Variants in CDH4 observed in about 807,000 individuals in gnomAD.
CDH4 encodes the protein cadherin-4.
In CDH4, 33 loss-of-function variants were observed where a neutral mutation model predicts 86.0. The ratio of observed to expected loss-of-function variants is 0.38; its 90% CI spans 0.29 to 0.51. The LOEUF is 0.51. Ranked by LOEUF, CDH4 falls within the 20% of genes least tolerant of loss-of-function variation. The pLI, the probability that CDH4 is intolerant of heterozygous loss-of-function variation, is 0.86. For synonymous variants in CDH4, 555 were observed against 549.4 expected, an observed-to-expected ratio of 1.01 and a Z score of -0.14; for missense variants, 1,114 against 1,307.4, an observed-to-expected ratio of 0.85 and a Z score of 2.28.
chr20:61,754,318 G>A lies in CDH4; in HGVS notation c.396+10529G>A, dbSNP rs535539776. Among the ~76,000 whole-genome samples, 14 of 152,244 alleles carry A rather than the reference G, an allele frequency of 9.2e-5. No homozygotes were observed. Among genetic ancestry groups the A allele is most frequent in the African/African-American group, 2.9e-4 (12 of 41,534 alleles). ...GACCCCAAGGCATCCCCGAAGGCAGGGAGGAGTGTCCCCAGCCAGGGGTCC... is the reference window on the plus strand; with the variant it reads ...GACCCCAAGGCATCCCCGAAGGCAGAGAGGAGTGTCCCCAGCCAGGGGTCC... On this transcript the variant is annotated intron_variant, in intron 3 of 15. Coordinates refer to ENST00000614565, the MANE Select transcript of CDH4 (RefSeq NM_001794.5). This position sits in a 1 kb window ranked among gnomAD's most constrained non-coding sequence, Gnocchi z 4.7.
chr20:61,373,696 T>C (rs1037646640), intron 2 of CDH4, among the ~76,000 whole-genome samples: 1 of 152,168 alleles, frequency 6.6e-6, no homozygotes, highest in Non-Finnish European at 1.5e-5. Context: ...TGTGGGATAT[T>C]TGGGGCTGTT....
chr20:61,739,008 T>C (rs2088300731), intron 2 of CDH4: 1 of 152,354 alleles, frequency 6.6e-6, no homozygotes, highest in South Asian at 2.1e-4. Flanking sequence ...AGAGGCGGCT[T>C]TTCAGGGCAT....
At position 61,551,012 on chromosome 20, in the gene CDH4, C is replaced by G. The variant is rs551898010; in HGVS notation, c.170-192551C>G. Among the ~76,000 whole-genome samples the G allele has an allele frequency of 1.2e-4, 18 of 152,354 alleles. No individual in the cohort carries two copies. The South Asian group carries it at 3.5e-3, about 30-fold the overall frequency. On this transcript the variant is annotated intron_variant, in intron 2 of 15. Transcript: ENST00000614565. ...GTTGAAATCCCAGCTCTGCCACCCA[C>G]TAGTCTTGTGATTTAGGACAAACCA... is the stretch of plus-strand genomic sequence containing the variant.
At chr20:61,753,365 C>T (rs1029166462) in intron 3 of CDH4, among the ~76,000 whole-genome samples, 7 of 152,158 alleles carry the variant, frequency 4.6e-5, no homozygotes, top group Non-Finnish European at 1.0e-4. Flanking sequence ...TTAGATGAAC[C>T]ATAAAAATTT....
intron 7 of CDH4, among the ~76,000 whole-genome samples, chr20:61,893,058 G>C (rs904978249): frequency 2.8e-5 from 4 of 144,304 alleles, no homozygotes; most frequent in Admixed American, 2.1e-4. Flanking sequence ...GGTGAATAGA[G>C]AGATAGATGG....
At chr20:61,375,925 C>CTGCTGATGGTAT (rs2084867482) in intron 2 of CDH4, among the ~76,000 whole-genome samples, 3 of 6,144 alleles carry the variant, frequency 4.9e-4, no homozygotes, top group Non-Finnish European at 7.6e-4. Flanking sequence ...GGTCTTGGTG[C>CTGCTGATGGTAT]TGGTGATGAT....
intron 2 of CDH4, among the ~76,000 whole-genome samples, chr20:61,678,061 G>A (rs922288528): frequency 6.6e-6 from 1 of 152,100 alleles, no homozygotes; most frequent in Non-Finnish European, 1.5e-5. Context: ...ATGGATGATA[G>A]ATGCTGCATG....
intron 2 of CDH4, among the ~76,000 whole-genome samples, chr20:61,365,034 G>C (rs1055748378): frequency 2.0e-5 from 3 of 152,198 alleles, no homozygotes; most frequent in Non-Finnish European, 2.9e-5. Flanking sequence ...CTTGGCCCAT[G>C]ATGGATTCCA....
chr20:61,876,780 G>A (rs755135617), intron 7 of CDH4, among the ~76,000 whole-genome samples: 4 of 152,192 alleles, frequency 2.6e-5, no homozygotes, highest in Admixed American at 1.3e-4. Context: ...CCTTCAGCAC[G>A]AATGTCTATA....
chr20:61,711,892 C>T (rs910151423), intron 2 of CDH4, among the ~76,000 whole-genome samples: 2 of 152,108 alleles, frequency 1.3e-5, no homozygotes, highest in African/African-American at 4.8e-5. Flanking sequence ...GCCATGGAGA[C>T]ATCTGGGGAC....
At chr20:61,786,069 G>A (rs1367350285) in intron 4 of CDH4, among the ~76,000 whole-genome samples, 1 of 152,134 alleles carries the variant, frequency 6.6e-6, no homozygotes, top group Non-Finnish European at 1.5e-5. Flanking sequence ...AGGATGGGAG[G>A]AACTGCTCTA....
chr20:61,704,322 G>A (rs1328856714), intron 2 of CDH4, among the ~76,000 whole-genome samples: 2 of 152,136 alleles, frequency 1.3e-5, no homozygotes, highest in African/African-American at 4.8e-5. Flanking sequence ...CTCAGAATGG[G>A]CTTTTGCAGT....
At position 61,582,372 on chromosome 20, in the gene CDH4, C is replaced by G. The variant is rs1310732847; in HGVS notation, c.170-161191C>G. ...AGCGCAGTGAAAAAGGCAGCGTGAG[C>G]CCTGGGGCTTTCCCAGGGCCATCCC... On this transcript the variant is annotated intron_variant, in intron 2 of 15. Transcript: ENST00000614565. The surrounding 1 kb of genome is among the most constrained non-coding windows in gnomAD (Gnocchi z 4.2). Among the ~76,000 whole-genome samples, 4 of 152,200 alleles carry G rather than the reference C, an allele frequency of 2.6e-5. No homozygotes were observed. The highest frequency in any genetic ancestry group is 4.4e-5 in the Non-Finnish European group (3 of 68,024).
At chr20:61,824,072 A>G (rs915811231) in intron 4 of CDH4, among the ~76,000 whole-genome samples, 1 of 152,216 alleles carries the variant, frequency 6.6e-6, no homozygotes, top group Non-Finnish European at 1.5e-5. Flanking sequence ...GTTTTCTACC[A>G]GATGTCTAGA....
At chr20:61,624,576 C>G (rs1410883134) in intron 2 of CDH4, among the ~76,000 whole-genome samples, 1 of 152,244 alleles carries the variant, frequency 6.6e-6, no homozygotes, top group Non-Finnish European at 1.5e-5. Flanking sequence ...GAGACCAAGC[C>G]TCAGTGGCCA....
rs1414379772 is a variant in CDH4, at chr20:61,565,227, G to A, written c.170-178336G>A. Among the ~76,000 whole-genome samples the A allele has an allele frequency of 5.7e-4, 24 of 41,758 alleles. 2 individuals carry two copies. Among genetic ancestry groups the A allele is most frequent in the South Asian group, 1.1e-3 (1 of 946 alleles). 27.4% of individuals were successfully genotyped at this position (41,758 alleles called of 152,430 possible). A position where few individuals can be genotyped will look rare whatever the true frequency, so the allele number is the denominator to read the frequency against. On this transcript the variant is annotated intron_variant, in intron 2 of 15. Transcript: ENST00000614565. ...GTCGCGGTGCTCTCGGTGGTAGGTGGTGGTGGTGGTGGTGGCGGTGCTCTT... is the reference window on the plus strand; with the variant it reads ...GTCGCGGTGCTCTCGGTGGTAGGTGATGGTGGTGGTGGTGGCGGTGCTCTT...
In CDH4 at chr20:61,544,555, G is replaced by A. The variant is rs1242352278; in HGVS notation, c.170-199008G>A. Among the ~76,000 whole-genome samples, 28 of 151,656 alleles carry A rather than the reference G, an allele frequency of 1.8e-4. No individual in the cohort carries two copies. The highest frequency in any genetic ancestry group is 1.8e-3 in the Admixed American group (27 of 15,228). On this transcript the variant is annotated intron_variant, in intron 2 of 15. Transcript: ENST00000614565. This position sits in a 1 kb window ranked among gnomAD's most constrained non-coding sequence, Gnocchi z 6.5. Reference sequence around the variant, plus strand: ...GCAATGGCAGCCGCCAAGCAGAGACGGTGACGGGATCCCTGCGTTGACGGT... The same window carrying A: ...GCAATGGCAGCCGCCAAGCAGAGACAGTGACGGGATCCCTGCGTTGACGGT...
intron 2 of CDH4, among the ~76,000 whole-genome samples, chr20:61,388,742 A>G (rs186780653): frequency 6.6e-6 from 1 of 152,328 alleles, no homozygotes; most frequent in Admixed American, 6.5e-5. Context: ...ATACATGTGT[A>G]TGCGTGCGCA....
chr20:61,650,813 C>T (rs995262001), intron 2 of CDH4, among the ~76,000 whole-genome samples: 13 of 152,268 alleles, frequency 8.5e-5, no homozygotes, highest in Admixed American at 8.5e-4. Context: ...TAACAATTAG[C>T]TCCGTCTCTC....
Sources: gnomAD v4.1 joint callset for allele counts (sites outside exome capture counted in the v4.1 genomes callset) on GRCh38, gnomAD v4.1.1 for gene constraint, Gnocchi (gnomAD v3.1) non-coding constraint, MANE v1.5 for transcripts, NCBI Gene and HGNC (gene_info 2026-07-23, HGNC 2026-07-21) for gene names.